SNURF: variants seen among roughly 807,000 people sequenced by gnomAD.
The protein encoded by SNURF is SNRPN upstream open reading frame.
A neutral mutation model predicts 11.6 loss-of-function variants in SNURF; 6 were observed. The ratio of observed to expected loss-of-function variants is 0.52; its 90% CI spans 0.28 to 1.02. The LOEUF is 1.02. SNURF is among the 50% of genes least tolerant of loss of function. The pLI is 0.09. For synonymous variants in SNURF, 29 were observed against 31.6 expected (o/e 0.92, Z 0.27); for missense variants, 84 against 88.4 (o/e 0.95, Z 0.20).
rs756725184 is a variant in SNURF at position 24,955,018 on chromosome 15, C to CG, written c.-30dup. ...TGGAGCGGCCGCCGGAGATGCCTGA[C>CG]GCATCTGTCTGAGGAGCGGTCAGTG... On this transcript the variant is annotated 5_prime_UTR_variant, in exon 1 of 3. An upstream open reading frame in the 5' UTR loses its in-frame stop. Transcript: ENST00000577949. The CG allele has an allele frequency of 1.1e-3, 1,748 of 1,612,454 alleles. 1 individual carries two copies. Among genetic ancestry groups the CG allele is most frequent in the Non-Finnish European group, 1.3e-3 (1,487 of 1,179,868 alleles).
intron 1 of SNURF, chr15:24,958,591 C>T (rs1191435734): frequency 6.7e-6 from 1 of 149,114 alleles, no homozygotes; most frequent in East Asian, 2.0e-4. Flanking sequence ...TATCCTCTCC[C>T]TCCTCAGTCT....
rs140138645 is a variant in SNURF at position 24,955,047 on chromosome 15, C to T, written c.-2C>T. ...TCTGTCTGAGGAGCGGTCAGTGACG[C>T]GATGGAGCGGGCAAGGTCAGCTGTG... On this transcript the variant is annotated 5_prime_UTR_variant, in exon 1 of 3. Coordinates refer to ENST00000577949, the Ensembl canonical transcript of SNURF. 2.2e-5 allele frequency: 35 copies of T among 1,613,188 alleles called. No homozygotes were observed. In the East Asian group the frequency reaches 4.9e-4, roughly 23 times the overall value.
Position 24,962,098 on chromosome 15 carries a change from C to T in SNURF, c.15-16C>T. 6.2e-7 allele frequency: 1 copy of T among 1,610,186 alleles called. No homozygotes were observed. ...GATGCAGTCTACCAAACAAATGCCT[C>T]TCTTTTCTGTTTCAGGGATCGCTTA... On this transcript the variant is annotated splice_polypyrimidine_tract_variant and intron_variant, in intron 1 of 2. Coordinates refer to ENST00000577949, the Ensembl canonical transcript of SNURF.
chr15:24,977,646 C>T, intron 6 of SNURF: 1 of 882,954 alleles, frequency 1.1e-6, no homozygotes, highest in Non-Finnish European at 1.6e-6. Context: ...CAAAAAAAAA[C>T]ATGGGAATAA....
intron 1 of SNURF, among the ~76,000 whole-genome samples, chr15:24,961,590 G>A (rs115048706): frequency 0.018 from 2,703 of 152,206 alleles, 75 homozygotes; most frequent in African/African-American, 0.062. Flanking sequence ...ATAGTTTTTA[G>A]CTTGAGCAGC....
chr15:24,977,053 A>G, intron 6 of SNURF: 2 of 1,535,192 alleles, frequency 1.3e-6, no homozygotes, highest in Non-Finnish European at 1.7e-6. Flanking sequence ...AGAGGGTTTT[A>G]TATTATTGGG....
At chr15:24,965,073 G>A (rs220034) in intron 2 of SNURF, among the ~76,000 whole-genome samples, 20,821 of 152,120 alleles carry the variant, frequency 0.14, 2,566 homozygotes, top group African/African-American at 0.33. Context: ...AGCAGGATTG[G>A]TTAACACTGC....
intron 4 of SNURF, chr15:24,975,536 T>A: frequency 6.2e-7 from 1 of 1,603,890 alleles, no homozygotes; most frequent in East Asian, 2.2e-5. Flanking sequence ...CAAATGGGGG[T>A]TGGACACAGA....
chr15:24,968,037 A>G, exon 3 of SNURF: 1 of 1,613,920 alleles, frequency 6.2e-7, no homozygotes, highest in Non-Finnish European at 8.5e-7. Context: ...GAGGTGGTTA[A>G]AGCCATATTG....
chr15:24,978,675 A>G (rs941129274), downstream of SNURF: 9 of 564,416 alleles, frequency 1.6e-5, no homozygotes, highest in African/African-American at 1.5e-4. Context: ...AGTTGATTCA[A>G]ATCATATTCT....
chr15:24,977,711 T>C lies in SNURF; in HGVS notation c.*463-67T>C, dbSNP rs377167163. Reference sequence around the variant, plus strand: ...TAACTAATTGGTCATTTTTCTCATTTATTTTCTGTGTTTGAATAATGTGAA... The same window carrying C: ...TAACTAATTGGTCATTTTTCTCATTCATTTTCTGTGTTTGAATAATGTGAA... On this transcript the variant is annotated intron_variant and NMD_transcript_variant, in intron 6 of 6. Coordinates refer to the SNURF transcript ENST00000580062. 50 of 1,438,604 alleles carry C rather than the reference T, an allele frequency of 3.5e-5. No homozygotes were observed. The East Asian group carries it at 6.4e-4, about 18-fold the overall frequency. 89.1% of individuals were successfully genotyped at this position (1,438,604 alleles called of 1,614,324 possible).
chr15:24,956,408 G>C (rs79160074), intron 1 of SNURF, among the ~76,000 whole-genome samples: 1 of 152,022 alleles, frequency 6.6e-6, no homozygotes. Context: ...GGGGCAGGTG[G>C]TGTGTGTTCA....
intron 5 of SNURF, chr15:24,976,453 G>T: frequency 3.0e-6 from 4 of 1,327,796 alleles, no homozygotes; most frequent in East Asian, 2.3e-5. Flanking sequence ...ACTTTAATTT[G>T]CAGGGACATC....
downstream of SNURF, among the ~76,000 whole-genome samples, chr15:24,971,522 GTTA>G (rs1236043835): frequency 2.6e-5 from 4 of 151,446 alleles, no homozygotes; most frequent in East Asian, 1.9e-4. Context: ...AGCTATACAG[GTTA>G]TTATTATATT....
exon 3 of SNURF, chr15:24,968,303 G>A (rs2075945646): frequency 2.9e-6 from 1 of 346,130 alleles, no homozygotes; most frequent in Admixed American, 4.5e-5. Flanking sequence ...ATGCTTTTCA[G>A]GTAGTTTTCT....
downstream of SNURF, chr15:24,978,003 A>C (rs2077261383): frequency 7.5e-7 from 1 of 1,340,120 alleles, no homozygotes; most frequent in Admixed American, 2.3e-5. Context: ...GAGCCTAAGA[A>C]TTTGGGGAAT....
downstream of SNURF, among the ~76,000 whole-genome samples, chr15:24,969,531 A>G (rs551275018): frequency 6.6e-6 from 1 of 152,322 alleles, no homozygotes; most frequent in African/African-American, 2.4e-5. Context: ...AGCAAATTGG[A>G]ATCTAATCAT....
At chr15:24,975,072 T>C (rs1052179378) in intron 3 of SNURF, 10 of 676,758 alleles carry the variant, frequency 1.5e-5, no homozygotes, top group Non-Finnish European at 2.7e-5. Context: ...TGGTTTGGTT[T>C]ACTTAGGGGA....
At chr15:24,975,248 T>C (rs958169641) in intron 3 of SNURF, 47 of 797,674 alleles carry the variant, frequency 5.9e-5, no homozygotes, top group Non-Finnish European at 9.0e-5. Flanking sequence ...AATATTTGTT[T>C]AGTTAAGGAA....
Sources: allele counts gnomAD v4.1 joint callset (sites outside exome capture counted in the v4.1 genomes callset), GRCh38; gene constraint gnomAD v4.1.1; transcripts MANE v1.5; gene names NCBI Gene and HGNC (gene_info 2026-07-23, HGNC 2026-07-21).